HMCN1: variants seen among roughly 807,000 people sequenced by gnomAD.
HMCN1 encodes hemicentin-1.
HMCN1 carries 321 observed loss-of-function variants against 625.9 expected under a neutral mutation model. The ratio of observed to expected loss-of-function variants is 0.51; its 90% CI spans 0.47 to 0.56. The LOEUF is 0.56. Among genes scored for constraint, HMCN1 ranks in the 20% least tolerant of loss-of-function variants. The pLI, the probability that HMCN1 is intolerant of heterozygous loss-of-function variation, is 0.00. For synonymous variants in HMCN1, 2,425 were observed against 2,417.6 expected (o/e 1.00, Z -0.09); for missense variants, 6,588 against 6,887.3 (o/e 0.96, Z 1.54).
chr1:186,134,669 C>T (rs1649486453), intron 86 of HMCN1, among the ~76,000 whole-genome samples: 1 of 152,152 alleles, frequency 6.6e-6, no homozygotes. Context: ...ATTAATATCA[C>T]AACAAAACAC....
chr1:185,735,076 G>A (rs1653465583), intron 1 of HMCN1, 29 bp downstream of exon 1: 3 of 1,606,312 alleles, frequency 1.9e-6, no homozygotes, highest in African/African-American at 1.3e-5. Context: ...CTTTGTCTTT[G>A]CTATGTCTCA....
At chr1:186,094,011 A>T (rs2073308) in intron 66 of HMCN1, among the ~76,000 whole-genome samples, 90,119 of 151,820 alleles carry the variant, frequency 0.59, 27,498 homozygotes, top group African/African-American at 0.74. Context: ...TCATGTTAGC[A>T]GCATTCTCTA....
chr1:185,968,188 T>G (rs1164020174), intron 14 of HMCN1, among the ~76,000 whole-genome samples: 4 of 152,130 alleles, frequency 2.6e-5, no homozygotes, highest in African/African-American at 9.7e-5. Context: ...GTTGCCTTTT[T>G]CATTCTTATT....
chr1:186,169,712 T>C, intron 100 of HMCN1, among the ~76,000 whole-genome samples: 1 of 152,096 alleles, frequency 6.6e-6, no homozygotes, highest in East Asian at 1.9e-4. Context: ...ACGTAAGACC[T>C]AAAACCATAA....
chr1:185,797,905 G>A (rs1227597299), intron 1 of HMCN1, among the ~76,000 whole-genome samples: 1 of 109,884 alleles, frequency 9.1e-6, no homozygotes, highest in Non-Finnish European at 1.6e-5. Flanking sequence ...GGCGGAGCTT[G>A]CAGTGAGCCG....
At chr1:185,993,979 T>C (rs1319237274) in intron 23 of HMCN1, among the ~76,000 whole-genome samples, 1 of 152,196 alleles carries the variant, frequency 6.6e-6, no homozygotes, top group African/African-American at 2.4e-5. Flanking sequence ...TGTCATTTAC[T>C]AGCTCTAGGG....
At chr1:185,850,426 G>T (rs1329440689) in intron 2 of HMCN1, among the ~76,000 whole-genome samples, 1 of 151,760 alleles carries the variant, frequency 6.6e-6, no homozygotes, top group African/African-American at 2.4e-5. Context: ...TTGAAAATCT[G>T]GCCAGAATGA....
At chr1:185,797,158 G>A (rs985491735) in intron 1 of HMCN1, among the ~76,000 whole-genome samples, 1 of 152,144 alleles carries the variant, frequency 6.6e-6, no homozygotes, top group African/African-American at 2.4e-5. Flanking sequence ...CAAAATATAT[G>A]TTCATGTCCT....
chr1:186,139,621 C>G (rs923006353), intron 89 of HMCN1, among the ~76,000 whole-genome samples: 1 of 141,372 alleles, frequency 7.1e-6, no homozygotes, highest in Non-Finnish European at 1.5e-5. Flanking sequence ...TAAAGGCTTT[C>G]TCTAGTTATT....
intron 105 of HMCN1, among the ~76,000 whole-genome samples, chr1:186,185,461 AG>A (rs1653233454): frequency 6.6e-6 from 1 of 152,228 alleles, no homozygotes; most frequent in Non-Finnish European, 1.5e-5. Context: ...TCACAGAGGC[AG>A]TAGGCAAGAC....
At chr1:186,021,790 G>C (rs1558150874) in intron 35 of HMCN1, among the ~76,000 whole-genome samples, 1 of 151,994 alleles carries the variant, frequency 6.6e-6, no homozygotes, top group Admixed American at 6.6e-5. Context: ...TGGGAAATTG[G>C]TTAAAGGATC....
In HMCN1 at chr1:186,000,223, T is replaced by C. The variant is rs1285600756; in HGVS notation, c.4053T>C (p.Tyr1351=). The change falls in exon 26 of 107, where the codon TAT becomes TAC. Residue 1351 remains tyrosine (Y), a synonymous_variant. Transcript: ENST00000271588. Reference sequence around the variant, plus strand: ...AAGCTGGAACCACAGAAAGAAAATATAACCTCAAAGTCCATGGTAAATGTA... The same window carrying C: ...AAGCTGGAACCACAGAAAGAAAATACAACCTCAAAGTCCATGGTAAATGTA... ...VNEAGTTERK[Y]NLKVHVPPVI... 12 of 1,612,528 alleles carry C rather than the reference T, an allele frequency of 7.4e-6. No individual in the cohort carries two copies. The highest frequency in any genetic ancestry group is 6.8e-6 in the Non-Finnish European group (8 of 1,179,062).
chr1:186,157,779 T>C (rs1651127845), intron 97 of HMCN1, among the ~76,000 whole-genome samples: 1 of 152,246 alleles, frequency 6.6e-6, no homozygotes, highest in South Asian at 2.1e-4. Flanking sequence ...CTCATCATTG[T>C]TTATGGCTGC....
intron 2 of HMCN1, among the ~76,000 whole-genome samples, chr1:185,852,465 C>A (rs1662221093): frequency 6.6e-6 from 1 of 151,582 alleles, no homozygotes; most frequent in Non-Finnish European, 1.5e-5. Flanking sequence ...TAATGTAGAG[C>A]TATCAGAGGT....
At position 186,114,914 on chromosome 1, in the gene HMCN1, C is replaced by T. The variant is rs769579222; in HGVS notation, c.11372C>T (p.Thr3791Ile). The T allele has an allele frequency of 2.5e-6, 4 of 1,614,164 alleles. No individual in the cohort carries two copies. Among genetic ancestry groups the T allele is most frequent in the East Asian group, 4.5e-5 (2 of 44,878 alleles). ...YLCMATNAAG[T>I]DRRRIDLQVH... Reference sequence around the variant, plus strand: ...TGTATGGCCACCAATGCTGCTGGAACAGATCGCAGGCGAATAGATTTACAG... The same window carrying T: ...TGTATGGCCACCAATGCTGCTGGAATAGATCGCAGGCGAATAGATTTACAG... The change falls in exon 74 of 107, where the codon ACA (threonine) becomes ATA (isoleucine). Residue 3791 changes from threonine (T) to isoleucine (I), a missense_variant. By Grantham distance (89) the Thr-to-Ile change is moderately conservative (BLOSUM62 -1). Coordinates refer to ENST00000271588, the MANE Select transcript of HMCN1 (RefSeq NM_031935.3).
rs376321567 is a variant in HMCN1, at chr1:186,063,034, ATGTGTG to A, written c.7513+461_7513+466del. ...TTATGGATAGGTAGTATTCCATGGA[ATGTGTG>A]TGTGTGTGTGTGTGTGTGTGTGTGT... On this transcript the variant is annotated intron_variant, in intron 48 of 106. Transcript: ENST00000271588. Among the ~76,000 whole-genome samples the A allele has an allele frequency of 5.4e-3, 515 of 95,058 alleles. 3 individuals are homozygous for A. Among genetic ancestry groups the A allele is most frequent in the Middle Eastern group, 0.011 (2 of 188 alleles). 62.4% of individuals were successfully genotyped at this position (95,058 alleles called of 152,430 possible). A position where few individuals can be genotyped will look rare whatever the true frequency, so the allele number is the denominator to read the frequency against.
intron 36 of HMCN1, among the ~76,000 whole-genome samples, chr1:186,032,040 A>G (rs1377273351): frequency 6.6e-6 from 1 of 150,754 alleles, no homozygotes; most frequent in Non-Finnish European, 1.5e-5. Flanking sequence ...ATTTGTTACA[A>G]AAAAAAAACA....
intron 30 of HMCN1, among the ~76,000 whole-genome samples, chr1:186,008,651 G>A (rs1653793835): frequency 6.6e-6 from 1 of 152,034 alleles, no homozygotes. Flanking sequence ...AACCCTCTGG[G>A]CTTCAGTTTT....
intron 103 of HMCN1, 57 bp from the exon 104 acceptor site, chr1:186,178,359 T>TTGTG: frequency 1.7e-6 from 2 of 1,210,940 alleles, no homozygotes; most frequent in Non-Finnish European, 2.5e-6. Context: ...TTCCTGTGTT[T>TTGTG]TGTGTGTGTA....
Sources: gnomAD v4.1 joint callset for allele counts (sites outside exome capture counted in the v4.1 genomes callset) on GRCh38, gnomAD v4.1.1 for gene constraint, MANE v1.5 for transcripts, NCBI Gene and HGNC (gene_info 2026-07-23, HGNC 2026-07-21) for gene names.